Variants in STS observed in about 807,000 individuals in gnomAD.
The protein encoded by STS is steryl-sulfatase.
In STS, 7 loss-of-function variants were observed where a neutral mutation model predicts 26.8. The observed-to-expected ratio is 0.26, with a 90% CI of 0.15 to 0.49. The LOEUF is 0.49. STS is among the 20% of genes least tolerant of loss of function. The probability of loss-of-function intolerance (pLI) is 0.98; values close to 1 mark genes in which losing one functional copy is unlikely to be tolerated. For synonymous variants in STS, 199 were observed against 189.4 expected (o/e 1.05, Z -0.42); for missense variants, 434 against 465.6 (o/e 0.93, Z 0.63).
At chrX:7,214,781 G>C (rs1453932605) in intron 2 of STS, among the ~76,000 whole-genome samples, 1 of 107,318 alleles carries the variant, frequency 9.3e-6, no homozygotes, top group Non-Finnish European at 1.9e-5. Flanking sequence ...CCACTTATGA[G>C]TGAGAACATA....
chrX:7,222,529 A>C (rs1316715950), intron 2 of STS, among the ~76,000 whole-genome samples: 1 of 41,579 alleles, frequency 2.4e-5, no homozygotes, highest in Non-Finnish European at 4.7e-5. Context: ...CCTCAGCTGC[A>C]AAAAAAAAAA....
intron 8 of STS, among the ~76,000 whole-genome samples, chrX:7,306,597 G>C (rs1384938277): frequency 8.9e-6 from 1 of 111,817 alleles, no homozygotes; most frequent in Non-Finnish European, 1.9e-5. Flanking sequence ...AGATGATGAC[G>C]TGAAGCCTGG....
intron 1 of STS, among the ~76,000 whole-genome samples, chrX:7,185,376 G>A (rs755422789): frequency 8.9e-6 from 1 of 112,858 alleles, no homozygotes; most frequent in Admixed American, 9.3e-5. Flanking sequence ...TTCAAAAGTA[G>A]GTGTATAAAG....
intron 3 of STS, among the ~76,000 whole-genome samples, chrX:7,254,144 G>A (rs193015517): frequency 8.9e-6 from 1 of 111,832 alleles, no homozygotes; most frequent in South Asian, 3.7e-4. Context: ...CTGAATCTGG[G>A]GGGGACACAA....
intron 8 of STS, among the ~76,000 whole-genome samples, chrX:7,322,910 C>T (rs1303779180): frequency 8.9e-6 from 1 of 112,185 alleles, no homozygotes; most frequent in Non-Finnish European, 1.9e-5. Context: ...TCTGCCGGTA[C>T]CCTTTCGATG....
intron 8 of STS, among the ~76,000 whole-genome samples, chrX:7,308,867 G>T (rs1174843230): frequency 9.0e-6 from 1 of 111,668 alleles, no homozygotes; most frequent in Non-Finnish European, 1.9e-5. Context: ...TTGTTCTCTA[G>T]AGCTGCAAAC....
intron 2 of STS, among the ~76,000 whole-genome samples, chrX:7,210,693 A>G (rs1218265448): frequency 3.7e-5 from 4 of 108,191 alleles, no homozygotes; most frequent in Admixed American, 3.0e-4. Flanking sequence ...GTTGAAATAT[A>G]TATTAAATCT....
Position 7,190,536 on chromosome X carries a change from A to G in STS, c.-133-344A>G, listed in dbSNP as rs961245159. Among the ~76,000 whole-genome samples the G allele has an allele frequency of 2.7e-5, 3 of 110,824 alleles. No individual in the cohort carries two copies. In the East Asian group the frequency reaches 8.5e-4, roughly 31 times the overall value. ...ACAGTGGCTCACACCTATAATCCCA[A>G]CACTTTGTCAGGCTGAGGCTCTGTT... On this transcript the variant is annotated intron_variant, in intron 1 of 10. Coordinates refer to ENST00000674429, the MANE Select transcript of STS (RefSeq NM_001320752.2).
chrX:7,189,525 C>T (rs989140462), intron 1 of STS, among the ~76,000 whole-genome samples: 6 of 111,884 alleles, frequency 5.4e-5, no homozygotes, highest in African/African-American at 9.8e-5. Flanking sequence ...TTACAGACAC[C>T]GAAATTTGAG....
At chrX:7,300,330 A>G (rs1000819147) in intron 7 of STS, among the ~76,000 whole-genome samples, 5 of 112,210 alleles carry the variant, frequency 4.5e-5, no homozygotes, top group Non-Finnish European at 9.4e-5. Flanking sequence ...CGGCAATTCA[A>G]AACTATCACT....
intron 8 of STS, among the ~76,000 whole-genome samples, chrX:7,312,298 C>T (rs756887444): frequency 8.9e-6 from 1 of 111,751 alleles, no homozygotes; most frequent in South Asian, 3.8e-4. Context: ...AAGTCCTTGT[C>T]TCTCCCACCA....
chrX:7,273,445 A>G (rs1272762985), intron 6 of STS, among the ~76,000 whole-genome samples: 1 of 111,460 alleles, frequency 9.0e-6, no homozygotes, highest in African/African-American at 3.3e-5. Flanking sequence ...CATCCTTTCT[A>G]TGTAAAAACT....
In STS at chrX:7,316,702, G is replaced by C. The variant is rs1601737563; in HGVS notation, c.1082-8637G>C. ...TTATTTTTGCCTTCATAATAGATGG[G>C]TAATACGTTGGTGGAACCTGAAAAA... On this transcript the variant is annotated intron_variant, in intron 8 of 10. Transcript: ENST00000674429. Among the ~76,000 whole-genome samples, 2 of 111,880 alleles carry C rather than the reference G, an allele frequency of 1.8e-5. 1 individual carries two copies. Among genetic ancestry groups the C allele is most frequent in the Admixed American group, 1.9e-4 (2 of 10,480 alleles).
intron 2 of STS, among the ~76,000 whole-genome samples, chrX:7,238,878 C>G (rs190161449): frequency 6.1e-4 from 67 of 110,609 alleles, no homozygotes; most frequent in Non-Finnish European, 1.1e-3. Context: ...CAGCAGGAAC[C>G]AATAGAATCT....
At chrX:7,316,643 A>T (rs1232954341) in intron 8 of STS, among the ~76,000 whole-genome samples, 3 of 112,297 alleles carry the variant, frequency 2.7e-5, no homozygotes, top group Non-Finnish European at 5.6e-5. Context: ...TCAATTCTTG[A>T]CATGTTATTT....
chrX:7,322,230 T>C (rs1164260088), intron 8 of STS, among the ~76,000 whole-genome samples: 1 of 111,662 alleles, frequency 9.0e-6, no homozygotes, highest in Non-Finnish European at 1.9e-5. Context: ...CTAGCAGAGG[T>C]GGTCTTGTTA....
chrX:7,292,019 A>T (rs1255417183), intron 7 of STS, among the ~76,000 whole-genome samples: 2 of 112,426 alleles, frequency 1.8e-5, no homozygotes, highest in Non-Finnish European at 3.8e-5. Context: ...GAAGAAAAAA[A>T]CCTAGAGAAA....
Position 7,190,883 on chromosome X carries a change from G to T in STS, c.-130G>T. The T allele has an allele frequency of 2.6e-6, 1 of 377,933 alleles. No homozygotes were observed. The highest frequency in any genetic ancestry group is 2.7e-5 in the African/African-American group (1 of 36,391). 31.1% of individuals were successfully genotyped at this position (377,933 alleles called of 1,213,427 possible). A position where few individuals can be genotyped will look rare whatever the true frequency, so the allele number is the denominator to read the frequency against. On this transcript the variant is annotated 5_prime_UTR_variant, in exon 2 of 11. Coordinates refer to ENST00000674429, the MANE Select transcript of STS (RefSeq NM_001320752.2). The stretch of plus-strand genomic sequence containing the variant: ...CATCTTTTGAATGAATTCACAGGAA[G>T]AGCCCGATGCCCTTGGTTTGACTCT...
At chrX:7,204,139 C>T (rs1312175407) in intron 2 of STS, among the ~76,000 whole-genome samples, 1 of 111,200 alleles carries the variant, frequency 9.0e-6, no homozygotes, top group East Asian at 2.8e-4. Context: ...TTTGGTTCTG[C>T]CTTTTACACC....
Sources: gnomAD v4.1 joint callset for allele counts (sites outside exome capture counted in the v4.1 genomes callset) on GRCh38, gnomAD v4.1.1 for gene constraint, MANE v1.5 for transcripts, NCBI Gene and HGNC (gene_info 2026-07-23, HGNC 2026-07-21) for gene names.